EFCAB6: variants seen among roughly 807,000 people sequenced by gnomAD.
The protein encoded by EFCAB6 is EF-hand calcium-binding domain-containing protein 6.
In EFCAB6, 156 loss-of-function variants were observed where a neutral mutation model predicts 169.8. The ratio of observed to expected loss-of-function variants is 0.92; its 90% confidence interval spans 0.81 to 1.05. The LOEUF is 1.05. Ranked by LOEUF, EFCAB6 falls within the 50% of genes least tolerant of loss-of-function variation. The probability of loss-of-function intolerance (pLI) is 0.00; values close to 1 mark genes in which losing one functional copy is unlikely to be tolerated. For synonymous variants in EFCAB6, 698 were observed against 676.4 expected, an observed-to-expected ratio of 1.03 and a Z score of -0.50; for missense variants, 1,800 against 1,829.1, an observed-to-expected ratio of 0.98 and a Z score of 0.29.
chr22:43,531,625 T>G (rs903734677), intron 30 of EFCAB6, among the ~76,000 whole-genome samples: 2 of 152,228 alleles, frequency 1.3e-5, no homozygotes, highest in African/African-American at 4.8e-5. Flanking sequence ...AAGTTGAATT[T>G]TAACATAACA....
At chr22:43,569,511 A>C (rs1279760670) in intron 26 of EFCAB6, among the ~76,000 whole-genome samples, 1 of 152,226 alleles carries the variant, frequency 6.6e-6, no homozygotes, top group Non-Finnish European at 1.5e-5. Flanking sequence ...CCAAGCTCAA[A>C]GCCTGAGGAG....
At chr22:43,676,318 G>A (rs934886642) in intron 13 of EFCAB6, among the ~76,000 whole-genome samples, 1 of 151,388 alleles carries the variant, frequency 6.6e-6, no homozygotes. Flanking sequence ...TTGGGAGGCT[G>A]AGGCAGGAGA....
At chr22:43,699,807 A>G (rs961591721) in intron 10 of EFCAB6, among the ~76,000 whole-genome samples, 1 of 152,208 alleles carries the variant, frequency 6.6e-6, no homozygotes, top group African/African-American at 2.4e-5. Context: ...TCTACACTTC[A>G]TATAATTTAG....
At chr22:43,623,790 T>A (rs1370263844) in intron 20 of EFCAB6, among the ~76,000 whole-genome samples, 1 of 147,368 alleles carries the variant, frequency 6.8e-6, no homozygotes, top group Non-Finnish European at 1.5e-5. Context: ...GCGCCTGTAG[T>A]CCCAGCTACT....
intron 6 of EFCAB6, among the ~76,000 whole-genome samples, chr22:43,753,539 G>T (rs796411830): frequency 6.6e-6 from 1 of 152,276 alleles, no homozygotes; most frequent in South Asian, 2.1e-4. Flanking sequence ...GAGACCCAGA[G>T]GTCATCCAAT....
At chr22:43,754,982 T>C (rs1367156254) in intron 6 of EFCAB6, among the ~76,000 whole-genome samples, 1 of 152,208 alleles carries the variant, frequency 6.6e-6, no homozygotes, top group Non-Finnish European at 1.5e-5. Context: ...AATTATCATA[T>C]TGAGATGAAT....
intron 2 of EFCAB6, among the ~76,000 whole-genome samples, chr22:43,804,755 C>T (rs4823145): frequency 0.88 from 124,658 of 142,014 alleles, 54,651 homozygotes; most frequent in East Asian, 0.99. Flanking sequence ...CAGAGCCCTG[C>T]CTCAAAAAAA....
chr22:43,589,972 TC>T, intron 24 of EFCAB6, 101 bp downstream of exon 24: 9 of 1,454,858 alleles, frequency 6.2e-6, no homozygotes, highest in Admixed American at 2.1e-5. Flanking sequence ...GGTATTTTCA[TC>T]TCAGAAGGCT....
At chr22:43,640,380 G>A (rs750898063) in intron 17 of EFCAB6, among the ~76,000 whole-genome samples, 14 of 152,194 alleles carry the variant, frequency 9.2e-5, no homozygotes, top group African/African-American at 3.4e-4. Flanking sequence ...GAAAAAGTTT[G>A]AGTGTGTTGG....
chr22:43,670,893 A>AGCAGCGGCAGCAG (rs1569353565), intron 15 of EFCAB6, among the ~76,000 whole-genome samples: 1 of 152,170 alleles, frequency 6.6e-6, no homozygotes, highest in Admixed American at 6.5e-5. Context: ...AGCGGCAGCA[A>AGCAGCGGCAGCAG]CAAACACTGG....
intron 17 of EFCAB6, among the ~76,000 whole-genome samples, chr22:43,638,352 C>T (rs1055752751): frequency 7.2e-5 from 11 of 152,100 alleles, no homozygotes; most frequent in African/African-American, 2.7e-4. Flanking sequence ...GGAGGCATTC[C>T]CCTAAGAAAG....
intron 27 of EFCAB6, among the ~76,000 whole-genome samples, chr22:43,542,470 C>T (rs1002425710): frequency 2.2e-4 from 33 of 152,194 alleles, no homozygotes; most frequent in Admixed American, 1.0e-3. Context: ...AGTCCAGCTA[C>T]TCAGGAGGCT....
At chr22:43,784,676 T>TATGTGTGTATATATACATATACAC (rs1439765812) in intron 2 of EFCAB6, among the ~76,000 whole-genome samples, 1 of 63,114 alleles carries the variant, frequency 1.6e-5, no homozygotes, top group Non-Finnish European at 3.0e-5. Context: ...TATACATATA[T>TATGTGTGTATATATACATATACAC]ACACACACAC....
At chr22:43,642,539 C>G (rs1385510589) in intron 17 of EFCAB6, among the ~76,000 whole-genome samples, 1 of 152,146 alleles carries the variant, frequency 6.6e-6, no homozygotes, top group Non-Finnish European at 1.5e-5. Context: ...AGAATGCAGG[C>G]ATGATCTGAG....
At chr22:43,614,757 G>A (rs1455455981) in intron 21 of EFCAB6, among the ~76,000 whole-genome samples, 1 of 152,206 alleles carries the variant, frequency 6.6e-6, no homozygotes, top group African/African-American at 2.4e-5. Flanking sequence ...GGAGTTCACA[G>A]CACAGACAGT....
chr22:43,797,219 A>G (rs1434583800), intron 2 of EFCAB6: 2 of 152,596 alleles, frequency 1.3e-5, no homozygotes, highest in Non-Finnish European at 2.9e-5. Flanking sequence ...GTGAGCACAG[A>G]TGCTCAGGGA....
At chr22:43,738,784 C>T (rs2060262157) in intron 6 of EFCAB6, among the ~76,000 whole-genome samples, 2 of 152,166 alleles carry the variant, frequency 1.3e-5, no homozygotes, top group Admixed American at 6.5e-5. Context: ...TCTTATTTAA[C>T]AGAGAAAACA....
intron 22 of EFCAB6, among the ~76,000 whole-genome samples, chr22:43,606,206 A>G (rs2052906699): frequency 6.6e-6 from 1 of 152,214 alleles, no homozygotes; most frequent in Non-Finnish European, 1.5e-5. Context: ...TATGTGAAAT[A>G]ACTCAGCTTA....
intron 13 of EFCAB6, among the ~76,000 whole-genome samples, chr22:43,675,387 T>C (rs1235669994): frequency 1.1e-5 from 1 of 93,524 alleles, no homozygotes; most frequent in African/African-American, 3.7e-5. Context: ...TATATTATAC[T>C]ATAATATATA....
Sources: gnomAD v4.1 joint callset for allele counts (sites outside exome capture counted in the v4.1 genomes callset) on GRCh38, gnomAD v4.1.1 for gene constraint, MANE v1.5 for transcripts, NCBI Gene and HGNC (gene_info 2026-07-23, HGNC 2026-07-21) for gene names.